Variants in PCDH7 observed in about 807,000 individuals in gnomAD.
The protein encoded by PCDH7 is protocadherin 7, also known as protocadherin-7.
Under a neutral mutation model 58.9 loss-of-function variants are expected in PCDH7, and 17 were observed. That is an observed-to-expected ratio of 0.29 (90% CI 0.20 to 0.43). The LOEUF (loss-of-function observed/expected upper bound fraction) is 0.43. PCDH7 is among the 20% of genes least tolerant of loss of function. The probability of loss-of-function intolerance (pLI) is 1.00; values close to 1 mark genes in which losing one functional copy is unlikely to be tolerated. For synonymous variants in PCDH7, 664 were observed against 616.4 expected (o/e 1.08, Z -1.14); for missense variants, 1,274 against 1,441.0 (o/e 0.88, Z 1.88).
chr4:30,973,506 A>G (rs186876590), intron 3 of PCDH7, among the ~76,000 whole-genome samples: 43 of 152,344 alleles, frequency 2.8e-4, no homozygotes, highest in African/African-American at 9.1e-4. Context: ...TTTACATTCG[A>G]GGAAGAAGAA....
At chr4:31,072,899 G>A (rs117129130) in intron 3 of PCDH7, among the ~76,000 whole-genome samples, 12 of 152,112 alleles carry the variant, frequency 7.9e-5, no homozygotes, top group East Asian at 7.7e-4. Flanking sequence ...TCTTTAGTGC[G>A]GAGTATGGAA....
At chr4:30,923,416 A>G (rs1743439153) in intron 2 of PCDH7, among the ~76,000 whole-genome samples, 1 of 152,174 alleles carries the variant, frequency 6.6e-6, no homozygotes, top group Non-Finnish European at 1.5e-5. Context: ...TTCCTTCTGT[A>G]CTGTAGTATG....
intron 1 of PCDH7, among the ~76,000 whole-genome samples, chr4:30,754,188 G>GTGTTTT (rs1039079090): frequency 1.4e-5 from 2 of 140,908 alleles, no homozygotes; most frequent in African/African-American, 6.0e-5. Context: ...GTGTGTGTGT[G>GTGTTTT]TTTTTTCTGG....
At chr4:31,098,473 G>A (rs1714464138) in intron 3 of PCDH7, among the ~76,000 whole-genome samples, 1 of 152,236 alleles carries the variant, frequency 6.6e-6, no homozygotes, top group South Asian at 2.1e-4. Flanking sequence ...ATTTCAAGAT[G>A]TGGACCACTT....
At chr4:31,013,107 A>T (rs1294443636) in intron 3 of PCDH7, among the ~76,000 whole-genome samples, 1 of 150,414 alleles carries the variant, frequency 6.6e-6, no homozygotes, top group Non-Finnish European at 1.5e-5. Context: ...GGATACTTTG[A>T]GTTCAGGAGT....
At chr4:31,137,238 T>A (rs1719710388) in intron 3 of PCDH7, among the ~76,000 whole-genome samples, 3 of 152,180 alleles carry the variant, frequency 2.0e-5, no homozygotes, top group Admixed American at 2.0e-4. Flanking sequence ...AAGGAAAAAG[T>A]TCCTGCATGT....
exon 2 of PCDH7, chr4:30,731,660 C>T (rs2109238360): frequency 1.3e-5 from 2 of 152,206 alleles, no homozygotes; most frequent in South Asian, 4.1e-4. Flanking sequence ...ATTTATTAAA[C>T]ATCCTATTTG....
intron 1 of PCDH7, among the ~76,000 whole-genome samples, chr4:30,810,455 A>G (rs1014028002): frequency 2.0e-5 from 3 of 151,592 alleles, no homozygotes; most frequent in African/African-American, 7.3e-5. Context: ...TTTTCTACTC[A>G]TTGGAAATAA....
chr4:30,796,769 T>C (rs1724830693), intron 1 of PCDH7, among the ~76,000 whole-genome samples: 1 of 152,196 alleles, frequency 6.6e-6, no homozygotes, highest in Admixed American at 6.5e-5. Context: ...TCTGTTCTTC[T>C]TCTAGAGCTC....
chr4:31,051,821 G>A (rs1756753592), intron 3 of PCDH7, among the ~76,000 whole-genome samples: 2 of 138,512 alleles, frequency 1.4e-5, no homozygotes, highest in African/African-American at 3.1e-5. Flanking sequence ...CCAAAGCATT[G>A]TTGGGTGTGT....
At chr4:30,949,029 C>T (rs184301374) in intron 2 of PCDH7, among the ~76,000 whole-genome samples, 5 of 152,226 alleles carry the variant, frequency 3.3e-5, no homozygotes, top group East Asian at 3.9e-4. Context: ...AATGCAAACA[C>T]GTATTCATGA....
chr4:30,905,359 C>T lies in PCDH7; in HGVS notation c.71-14794C>T, dbSNP rs200871914. ...GTAATTTACCATGTAGGTTTATCGA[C>T]CTCATTCAGCTGCGTCTGGAACTCC... On this transcript the variant is annotated intron_variant, in intron 1 of 3. Transcript: ENST00000509759. 2.6e-5 allele frequency among the ~76,000 whole-genome samples: 4 copies of T among 152,002 alleles called. No individual in the cohort carries two copies. In the East Asian group the frequency reaches 7.7e-4, roughly 29 times the overall value.
chr4:31,141,142 T>C (rs2109347912), intron 3 of PCDH7, among the ~76,000 whole-genome samples: 1 of 152,342 alleles, frequency 6.6e-6, no homozygotes. Flanking sequence ...AATGTTAAAC[T>C]ACAGGGGATG....
intron 1 of PCDH7, among the ~76,000 whole-genome samples, chr4:30,852,597 A>G (rs1405895048): frequency 1.3e-5 from 2 of 152,024 alleles, no homozygotes; most frequent in Non-Finnish European, 2.9e-5. Context: ...CTTGACGTTC[A>G]TTATTGAATC....
chr4:30,925,672 C>T (rs145222342), intron 2 of PCDH7: 1 of 152,182 alleles, frequency 6.6e-6, no homozygotes, highest in African/African-American at 2.4e-5. Flanking sequence ...TGGCTCTATA[C>T]CTCCCAAGTA....
intron 1 of PCDH7, among the ~76,000 whole-genome samples, chr4:30,914,291 T>C (rs943953412): frequency 6.6e-6 from 1 of 152,334 alleles, no homozygotes; most frequent in Non-Finnish European, 1.5e-5. Flanking sequence ...TTGTACATTA[T>C]CTGGGTTTTG....
intron 1 of PCDH7, among the ~76,000 whole-genome samples, chr4:30,779,031 T>TTA (rs1722450695): frequency 1.4e-5 from 2 of 147,058 alleles, no homozygotes; most frequent in Non-Finnish European, 1.5e-5. Flanking sequence ...TTTTTTTTTT[T>TTA]AAATGGAGAC....
At chr4:30,884,249 C>T (rs758083022) in intron 1 of PCDH7, among the ~76,000 whole-genome samples, 33 of 152,070 alleles carry the variant, frequency 2.2e-4, no homozygotes, top group Non-Finnish European at 4.6e-4. Flanking sequence ...ATTTTTGGCA[C>T]TGATATTTTA....
At chr4:31,049,920 A>G (rs1367993699) in intron 3 of PCDH7, among the ~76,000 whole-genome samples, 1 of 152,178 alleles carries the variant, frequency 6.6e-6, no homozygotes, top group Non-Finnish European at 1.5e-5. Flanking sequence ...CTGCAGACAC[A>G]TCATAGCCTA....
Sources: allele counts gnomAD v4.1 joint callset (sites outside exome capture counted in the v4.1 genomes callset), GRCh38; gene constraint gnomAD v4.1.1; transcripts MANE v1.5; gene names NCBI Gene and HGNC (gene_info 2026-07-23, HGNC 2026-07-21).